Variants in TBC1D31 observed in about 807,000 individuals in gnomAD.
TBC1D31 encodes the protein WD repeat domain 67.
In TBC1D31, 99 loss-of-function variants were observed where a neutral mutation model predicts 132.9. The observed-to-expected ratio is 0.74, with a 90% CI of 0.63 to 0.88. The LOEUF (loss-of-function observed/expected upper bound fraction) is 0.88. Among genes scored for constraint, TBC1D31 ranks in the 40% least tolerant of loss-of-function variants. TBC1D31 has a pLI of 0.00. For missense variants in TBC1D31, 1,134 were observed against 1,256.6 expected, an observed-to-expected ratio of 0.90 and a Z score of 1.48; for synonymous variants, 385 against 419.4, an observed-to-expected ratio of 0.92 and a Z score of 1.00.
At position 123,084,165 on chromosome 8, in the gene TBC1D31, C is replaced by G. The variant is rs1337643867; in HGVS notation, c.344C>G (p.Thr115Ser). 1.2e-6 allele frequency: 2 copies of G among 1,613,626 alleles called. No homozygotes were observed. Among genetic ancestry groups the G allele is most frequent in the East Asian group, 2.2e-5 (1 of 44,890 alleles). The change falls in exon 4 of 22, where the codon ACC becomes AGC. Residue 115 changes from threonine (T) to serine (S), a missense_variant. By Grantham distance (58) the Thr-to-Ser change is moderately conservative. Transcript: ENST00000287380. ...DYSIKCFDTVTKELVSWMRGH... is the reference protein window; with the variant it reads ...DYSIKCFDTVSKELVSWMRGH... ...ACAATTTTACTTTTTACCACAGTCA[C>G]CAAGGAGCTAGTTAGCTGGATGAGA...
intron 17 of TBC1D31, among the ~76,000 whole-genome samples, chr8:123,138,287 C>T (rs1821292660): frequency 6.6e-6 from 1 of 152,182 alleles, no homozygotes; most frequent in South Asian, 2.1e-4. Context: ...AAGCTTTCTT[C>T]TGTTGTTAGA....
the TBC1D31 span, among the ~76,000 whole-genome samples, chr8:123,157,719 GCA>G: frequency 1.4e-4 from 20 of 147,978 alleles, no homozygotes; most frequent in East Asian, 4.1e-4. Flanking sequence ...GCGCGCGCGC[GCA>G]CACACACACA....
chr8:123,099,424 T>C (rs145356244), intron 6 of TBC1D31, among the ~76,000 whole-genome samples: 240 of 152,272 alleles, frequency 1.6e-3, no homozygotes, highest in African/African-American at 5.2e-3. Context: ...CCAGCCTTTA[T>C]TACATGTTCT....
rs751717627 is a variant in TBC1D31 at position 123,144,828 on chromosome 8, G to A, written c.2947G>A (p.Glu983Lys). 1 of 1,613,060 alleles carries A rather than the reference G, an allele frequency of 6.2e-7. No homozygotes were observed. The highest frequency in any genetic ancestry group is 1.1e-5 in the South Asian group (1 of 90,668). ...AAAGCAAGAGATAAATGCGGCTGTAGAACATGCTGAAAATCCATGTCATAA... is the reference window on the plus strand; with the variant it reads ...AAAGCAAGAGATAAATGCGGCTGTAAAACATGCTGAAAATCCATGTCATAA... ...FLKQEINAAV[E>K]HAENPCHKEE... Residue 983 changes from glutamate to lysine, a missense_variant, in exon 20 of 22, where the codon GAA (glutamate) becomes AAA (lysine). Physicochemically the swap from Glu to Lys is moderately conservative, Grantham distance 56. Transcript: ENST00000287380.
intron 2 of TBC1D31, 121 bp downstream of exon 2, chr8:123,077,378 C>T (rs1352688165): frequency 9.9e-7 from 1 of 1,014,694 alleles, no homozygotes; most frequent in Admixed American, 3.0e-5. Context: ...ATTTCAGGTA[C>T]CTTGCAAAAT....
At chr8:123,096,212 C>G (rs965644644) in intron 5 of TBC1D31, among the ~76,000 whole-genome samples, 8 of 152,128 alleles carry the variant, frequency 5.3e-5, no homozygotes, top group African/African-American at 1.7e-4. Flanking sequence ...TTCAACCCCC[C>G]ACCCCTCATT....
intron 7 of TBC1D31, among the ~76,000 whole-genome samples, chr8:123,104,630 A>C (rs1434912400): frequency 6.6e-6 from 1 of 152,190 alleles, no homozygotes; most frequent in African/African-American, 2.4e-5. Flanking sequence ...GTTTATGGAG[A>C]AAATGTTCTA....
rs1271545950 is a variant in TBC1D31 at position 123,097,342 on chromosome 8, A to G, written c.732A>G (p.Glu244=). 1.9e-6 allele frequency: 3 copies of G among 1,614,044 alleles called. No homozygotes were observed. The African/African-American group carries it at 4.0e-5, about 22-fold the overall frequency. The change falls in exon 6 of 22, where the codon GAA becomes GAG. Residue 244 remains glutamate, a synonymous_variant. Coordinates refer to ENST00000287380, the MANE Select transcript of TBC1D31 (RefSeq NM_145647.4). Reference sequence around the variant, plus strand: ...ATCATCTTCATTTGTGGTGCTTGGAAGCTAGGCAGCTCTTTAGAATTATCC... The same window carrying G: ...ATCATCTTCATTTGTGGTGCTTGGAGGCTAGGCAGCTCTTTAGAATTATCC... The part of the protein sequence containing the change: ...KSNHLHLWCL[E]ARQLFRIIQM...
Position 123,097,168 on chromosome 8 carries a change from C to G in TBC1D31, c.672-114C>G, listed in dbSNP as rs1394123260. 5 of 1,071,830 alleles carry G rather than the reference C, an allele frequency of 4.7e-6. No homozygotes were observed. The East Asian group carries it at 1.2e-4, about 26-fold the overall frequency. The allele number at this position is 1,071,830 out of a possible 1,614,324, so 66.4% of individuals were successfully genotyped here. A position where few individuals can be genotyped will look rare whatever the true frequency, so the allele number is the denominator to read the frequency against. On this transcript the variant is annotated intron_variant, in intron 5 of 21. Coordinates refer to ENST00000287380, the MANE Select transcript of TBC1D31 (RefSeq NM_145647.4). ...CAATAATCACATGGGACTAGTGTGA[C>G]CATATTGCATAGCATAGACACAGTA... is the stretch of plus-strand genomic sequence containing the variant.
At chr8:123,072,954 G>C in intron 1 of TBC1D31, 108 bp downstream of exon 1, 1 of 1,130,572 alleles carries the variant, frequency 8.8e-7, no homozygotes, top group Admixed American at 2.1e-5. Context: ...ACCTTGCCCC[G>C]CATCCCTGGG....
intron 10 of TBC1D31, among the ~76,000 whole-genome samples, chr8:123,119,563 G>C (rs146398999): frequency 6.3e-4 from 96 of 152,198 alleles, no homozygotes; most frequent in African/African-American, 2.1e-3. Flanking sequence ...AGAAAGATTA[G>C]CCAGGCATAG....
chr8:123,105,504 T>G, intron 8 of TBC1D31, 40 bp downstream of exon 8: 1 of 1,538,658 alleles, frequency 6.5e-7, no homozygotes, highest in Non-Finnish European at 8.9e-7. Flanking sequence ...ATGATTCTGC[T>G]GTAGACAAGT....
chr8:123,150,254 T>G, intron 21 of TBC1D31, 126 bp downstream of exon 21: 1 of 697,540 alleles, frequency 1.4e-6, no homozygotes, highest in East Asian at 2.8e-5. Flanking sequence ...ATAATGGAAA[T>G]CCTAAAAGGG....
chr8:123,072,853 GC>G lies in TBC1D31; in HGVS notation c.77+9del. The G allele has an allele frequency of 6.4e-7, 1 of 1,559,592 alleles. No homozygotes were observed. The highest frequency in any genetic ancestry group is 8.7e-7 in the Non-Finnish European group (1 of 1,151,978). On this transcript the variant is annotated splice_region_variant and intron_variant, in intron 1 of 21. Coordinates refer to ENST00000287380, the MANE Select transcript of TBC1D31 (RefSeq NM_145647.4). The stretch of plus-strand genomic sequence containing the variant: ...CCCCGGCCACGCGGGACGGGTAAAG[GC>G]CGTGGCGGGAGGGCGCGGGCTGTGG...
chr8:123,145,769 G>T, intron 20 of TBC1D31, among the ~76,000 whole-genome samples: 1 of 148,888 alleles, frequency 6.7e-6, no homozygotes, highest in African/African-American at 2.5e-5. Flanking sequence ...GTTTTATTTT[G>T]TTTCAGTCTT....
the TBC1D31 span, among the ~76,000 whole-genome samples, chr8:123,162,629 C>T: frequency 2.0e-5 from 3 of 151,998 alleles, no homozygotes; most frequent in East Asian, 1.9e-4. Flanking sequence ...GTGCCACCGC[C>T]GGGGAGGAAA....
intron 4 of TBC1D31, among the ~76,000 whole-genome samples, chr8:123,090,449 C>T (rs553413513): frequency 3.2e-4 from 48 of 152,126 alleles, no homozygotes; most frequent in Middle Eastern, 3.4e-3. Context: ...TTGGAATCCC[C>T]GGGATTTGTG....
chr8:123,147,636 A>C (rs1822348032), intron 20 of TBC1D31, among the ~76,000 whole-genome samples: 1 of 152,158 alleles, frequency 6.6e-6, no homozygotes, highest in South Asian at 2.1e-4. Context: ...TTTTTTTGGC[A>C]GACCAGTCAG....
At chr8:123,073,359 C>G (rs931071779) in intron 1 of TBC1D31, 18 of 456,308 alleles carry the variant, frequency 3.9e-5, no homozygotes, top group African/African-American at 6.0e-5. Context: ...GTGTGCCAAG[C>G]ACGCCTCTAA....
Sources: gnomAD v4.1 joint callset for allele counts (sites outside exome capture counted in the v4.1 genomes callset) on GRCh38, gnomAD v4.1.1 for gene constraint, MANE v1.5 for transcripts, NCBI Gene and HGNC (gene_info 2026-07-23, HGNC 2026-07-21) for gene names.